CEACAM1: variants seen among roughly 807,000 people sequenced by gnomAD.
CEACAM1 encodes the protein cell adhesion molecule CEACAM1.
In CEACAM1, 31 loss-of-function variants were observed where a neutral mutation model predicts 49.1. The ratio of observed to expected loss-of-function variants is 0.63; its 90% confidence interval spans 0.47 to 0.85. The LOEUF is 0.85. CEACAM1 is among the 40% of genes least tolerant of loss of function. The pLI, the probability that CEACAM1 is intolerant of heterozygous loss-of-function variation, is 0.00. For synonymous variants in CEACAM1, 244 were observed against 247.8 expected, an observed-to-expected ratio of 0.98 and a Z score of 0.14; for missense variants, 570 against 645.3, an observed-to-expected ratio of 0.88 and a Z score of 1.26.
rs2041390643 is a variant in CEACAM1 at position 42,509,038 on chromosome 19, A to G, written c.*71T>C. On this transcript the variant is annotated 3_prime_UTR_variant, in exon 9 of 9. Coordinates refer to ENST00000161559, the MANE Select transcript of CEACAM1 (RefSeq NM_001712.5). The stretch of plus-strand genomic sequence containing the variant: ...CCCACCCCTCTACCCCTACAGGGGA[A>G]AGGAATCTCCTAGTGATGAGGGTGA... 1 of 1,594,468 alleles carries G rather than the reference A, an allele frequency of 6.3e-7. No homozygotes were observed. The highest frequency in any genetic ancestry group is 2.2e-5 in the East Asian group (1 of 44,616).
Position 42,512,453 on chromosome 19 carries a change from G to A in CEACAM1, c.1273C>T (p.Leu425Phe). ...ATGCCAGCAATGGCCCCAGGTGAGA[G>A]GCCATTTTCTTGTGGTAGAGCATTA... ...NYNALPQENG[L>F]SPGAIAGIVI... The change falls in exon 6 of 9, where the codon CTC (leucine) becomes TTC (phenylalanine). Residue 425 changes from leucine to phenylalanine, a missense_variant. Coordinates refer to ENST00000161559, the MANE Select transcript of CEACAM1 (RefSeq NM_001712.5). 6.2e-7 allele frequency: 1 copy of A among 1,614,130 alleles called. No homozygotes were observed. The highest frequency in any genetic ancestry group is 8.5e-7 in the Non-Finnish European group (1 of 1,179,972).
intron 7 of CEACAM1, chr19:42,511,128 G>A: frequency 1.6e-6 from 1 of 609,618 alleles, no homozygotes; most frequent in South Asian, 2.0e-5. Flanking sequence ...ATCCACTTGT[G>A]AAGAGTTCTA....
Position 42,521,501 on chromosome 19 carries a change from T to A in CEACAM1, c.724A>T (p.Ile242Phe). 1 of 1,613,714 alleles carries A rather than the reference T, an allele frequency of 6.2e-7. No homozygotes were observed. The highest frequency in any genetic ancestry group is 8.5e-7 in the Non-Finnish European group (1 of 1,179,878). The change falls in exon 4 of 9, where the codon ATT becomes TTT. Residue 242 changes from isoleucine to phenylalanine, a missense_variant. Coordinates refer to ENST00000161559, the MANE Select transcript of CEACAM1 (RefSeq NM_001712.5). The part of the protein sequence containing the change: ...NVTYGPDTPT[I>F]SPSDTYYRPG... ...CGGTAATAGGTGTCTGAAGGGGAAATGGTGGGGGTGTCCGGGCCATCTGGA... is the reference window on the plus strand; with the variant it reads ...CGGTAATAGGTGTCTGAAGGGGAAAAGGTGGGGGTGTCCGGGCCATCTGGA...
At position 42,527,129 on chromosome 19, in the gene CEACAM1, G is replaced by A. The variant is rs1273327823; in HGVS notation, c.336C>T (p.Val112=). ...TGTAGAATCCTGTGTCATTCTGGGTGACGTTCTGGATCAGCAGGGATGCAT... is the reference window on the plus strand; with the variant it reads ...TGTAGAATCCTGTGTCATTCTGGGTAACGTTCTGGATCAGCAGGGATGCAT... ...YPNASLLIQN[V]TQNDTGFYTL... The change falls in exon 2 of 9, where the codon GTC becomes GTT. Residue 112 remains valine (V), a synonymous_variant. Coordinates refer to ENST00000161559, the MANE Select transcript of CEACAM1 (RefSeq NM_001712.5). The A allele has an allele frequency of 6.2e-7, 1 of 1,614,002 alleles. No homozygotes were observed. The highest frequency in any genetic ancestry group is 8.5e-7 in the Non-Finnish European group (1 of 1,180,022).
rs1600205076 is a variant in CEACAM1, at chr19:42,507,742, T to C, written c.*1367A>G. On this transcript the variant is annotated 3_prime_UTR_variant, in exon 9 of 9. Coordinates refer to ENST00000161559, the MANE Select transcript of CEACAM1 (RefSeq NM_001712.5). Reference sequence around the variant, plus strand: ...ATAATCCTCCTCCTCACAGCCCCATTTCCCCAAGGGGCATTAGCACCAGTG... The same window carrying C: ...ATAATCCTCCTCCTCACAGCCCCATCTCCCCAAGGGGCATTAGCACCAGTG... 6.6e-6 allele frequency: 1 copy of C among 152,238 alleles called. No individual in the cohort carries two copies. The highest frequency in any genetic ancestry group is 2.4e-5 in the African/African-American group (1 of 41,466). 9.4% of individuals were successfully genotyped at this position (152,238 alleles called of 1,614,324 possible). A position where few individuals can be genotyped will look rare whatever the true frequency, so the allele number is the denominator to read the frequency against.
intron 2 of CEACAM1, among the ~76,000 whole-genome samples, chr19:42,525,299 A>G (rs988824635): frequency 3.4e-5 from 5 of 148,394 alleles, no homozygotes; most frequent in Non-Finnish European, 7.4e-5. Flanking sequence ...ATCTTGGCTC[A>G]CTGCAACCTC....
intron 4 of CEACAM1, among the ~76,000 whole-genome samples, chr19:42,520,199 G>A (rs1268692486): frequency 6.6e-6 from 1 of 152,204 alleles, no homozygotes; most frequent in South Asian, 2.1e-4. Context: ...CAGAGCCCCT[G>A]TGGCTGAATC....
chr19:42,522,155 C>T lies in CEACAM1; in HGVS notation c.472G>A (p.Glu158Lys), dbSNP rs773175580. Residue 158 changes from glutamate (E) to lysine (K), a missense_variant, in exon 3 of 9, where the codon GAG (glutamate) becomes AAG (lysine). Physicochemically the swap from Glu to Lys is moderately conservative, Grantham distance 56 (BLOSUM62 1). Coordinates refer to ENST00000161559, the MANE Select transcript of CEACAM1 (RefSeq NM_001712.5). ...GTGAAGGCCACAGCATCCTTGTCCT[C>T]CACAGGGTTGGAGTTGTTGCTGGAG... is the stretch of plus-strand genomic sequence containing the variant. ...SISSNNSNPV[E>K]DKDAVAFTCE... 4.3e-6 allele frequency: 7 copies of T among 1,614,228 alleles called. No individual in the cohort carries two copies. The highest frequency in any genetic ancestry group is 1.1e-5 in the South Asian group (1 of 91,090).
intron 2 of CEACAM1, chr19:42,525,843 G>C (rs1338032221): frequency 6.6e-6 from 1 of 152,196 alleles, no homozygotes; most frequent in Non-Finnish European, 1.5e-5. Flanking sequence ...CAGTGAAATA[G>C]TATAAATGGT....
rs903522727 is a variant in CEACAM1 at position 42,519,081 on chromosome 19, C to A, written c.1113G>T (p.Arg371Ser). Residue 371 changes from arginine (R) to serine (S), a missense_variant, in exon 5 of 9, where the codon AGG (arginine) becomes AGT (serine). Transcript: ENST00000161559. The part of the protein sequence containing the change: ...FKNQSLPSSE[R>S]MKLSQGNTTL... ...TGGTGTTGCCCTGGGACAGCTTCATCCTCTCCGAGGACGGGAGACTCTGGT... is the reference window on the plus strand; with the variant it reads ...TGGTGTTGCCCTGGGACAGCTTCATACTCTCCGAGGACGGGAGACTCTGGT... The A allele has an allele frequency of 1.6e-5, 26 of 1,612,158 alleles. No homozygotes were observed. Among genetic ancestry groups the A allele is most frequent in the Non-Finnish European group, 2.2e-5 (26 of 1,178,958 alleles).
chr19:42,518,801 G>C, intron 5 of CEACAM1, 147 bp downstream of exon 5: 2 of 953,646 alleles, frequency 2.1e-6, no homozygotes, highest in Non-Finnish European at 3.3e-6. Flanking sequence ...TGCCCGGCCT[G>C]AGCTGAGCTC....
At chr19:42,515,043 A>G (rs2041564442) in intron 5 of CEACAM1, 1 of 676,640 alleles carries the variant, frequency 1.5e-6, no homozygotes, top group Non-Finnish European at 2.7e-6. Flanking sequence ...AACAGATGGG[A>G]GGATTGCTTG....
At chr19:42,527,601 C>G (rs2041928643) in intron 1 of CEACAM1, 1 of 682,752 alleles carries the variant, frequency 1.5e-6, no homozygotes, top group South Asian at 2.7e-5. Context: ...TGCCTCTGAC[C>G]TTGTCATTTC....
intron 5 of CEACAM1, among the ~76,000 whole-genome samples, chr19:42,516,169 A>G (rs559932605): frequency 2.0e-5 from 3 of 152,140 alleles, no homozygotes; most frequent in Non-Finnish European, 4.4e-5. Flanking sequence ...GTATTGGAAG[A>G]CCTAGACAGA....
chr19:42,528,334 G>T lies in CEACAM1; in HGVS notation c.41C>A (p.Pro14His), dbSNP rs2041946260. Residue 14 changes from proline (P) to histidine (H), a missense_variant, in exon 1 of 9, where the codon CCC becomes CAC. Pro to His is a moderately conservative substitution (Grantham distance 77, BLOSUM62 -2). Coordinates refer to ENST00000161559, the MANE Select transcript of CEACAM1 (RefSeq NM_001712.5). ...LSAPLHRVRVPWQGLLLTASL... is the reference protein window; with the variant it reads ...LSAPLHRVRVHWQGLLLTASL... The stretch of plus-strand genomic sequence containing the variant: ...ACCTGTGAGCAGAAGCCCCTGCCAG[G>T]GTACACGCACTCTGTGAAGTGGGGC... The T allele has an allele frequency of 6.2e-7, 1 of 1,613,636 alleles. No individual in the cohort carries two copies. Among genetic ancestry groups the T allele is most frequent in the Non-Finnish European group, 8.5e-7 (1 of 1,179,766 alleles).
Position 42,510,903 on chromosome 19 carries a change from C to T in CEACAM1, c.1447G>A (p.Asp483Asn). ...GCTATGCTTACCTTGTTAGGTGGGT[C>T]ATTGGAGTGGTCCTGAGCTGGAGAA... Reference protein sequence around the residue: ...VSNHTQDHSNDPPNKMNEVTY... With the variant: ...VSNHTQDHSNNPPNKMNEVTY... Residue 483 changes from aspartate (D) to asparagine (N), a missense_variant, in exon 8 of 9, where the codon GAC becomes AAC. Transcript: ENST00000161559. 6.2e-7 allele frequency: 1 copy of T among 1,613,950 alleles called. No homozygotes were observed. The highest frequency in any genetic ancestry group is 1.1e-5 in the South Asian group (1 of 91,072).
chr19:42,519,708 T>A, intron 4 of CEACAM1, among the ~76,000 whole-genome samples: 1 of 152,044 alleles, frequency 6.6e-6, no homozygotes, highest in East Asian at 1.9e-4. Context: ...TAGCTGGGAC[T>A]AAAGGCATGT....
At chr19:42,510,993 G>A in intron 7 of CEACAM1, 73 bp from the exon 8 acceptor site, 2 of 1,408,606 alleles carry the variant, frequency 1.4e-6, no homozygotes, top group Non-Finnish European at 2.0e-6. Flanking sequence ...AGCTGAAGGA[G>A]GTGGCAGTTG....
At chr19:42,516,078 A>C (rs1273535358) in intron 5 of CEACAM1, among the ~76,000 whole-genome samples, 1 of 152,208 alleles carries the variant, frequency 6.6e-6, no homozygotes, top group Non-Finnish European at 1.5e-5. Flanking sequence ...CATCATAGTC[A>C]ATGGTGAAAG....
Sources: gnomAD v4.1 joint callset for allele counts (sites outside exome capture counted in the v4.1 genomes callset) on GRCh38, gnomAD v4.1.1 for gene constraint, MANE v1.5 for transcripts, NCBI Gene and HGNC (gene_info 2026-07-23, HGNC 2026-07-21) for gene names.